Variants in KANSL1L observed in about 807,000 individuals in gnomAD.
KANSL1L encodes KAT8 regulatory NSL complex subunit 1-like protein.
In KANSL1L, 25 loss-of-function variants were observed where a neutral mutation model predicts 108.6. The ratio of observed to expected loss-of-function variants is 0.23; its 90% CI spans 0.17 to 0.32. KANSL1L has a LOEUF of 0.32. Among genes scored for constraint, KANSL1L ranks in the 10% least tolerant of loss-of-function variants. KANSL1L has a pLI of 1.00. For synonymous variants in KANSL1L, 405 were observed against 395.1 expected (o/e 1.03, Z -0.30); for missense variants, 1,137 against 1,125.7 (o/e 1.01, Z -0.14).
chr2:210,110,241 C>A (rs1159210464), intron 3 of KANSL1L, among the ~76,000 whole-genome samples: 2 of 152,222 alleles, frequency 1.3e-5, no homozygotes, highest in Admixed American at 6.5e-5. Context: ...CATTCTTAAT[C>A]TTCCTCCACT....
intron 5 of KANSL1L, among the ~76,000 whole-genome samples, chr2:210,082,353 A>G (rs1426032954): frequency 6.6e-6 from 1 of 152,224 alleles, no homozygotes; most frequent in Non-Finnish European, 1.5e-5. Context: ...TTGGAATCTA[A>G]GACATGTACT....
At chr2:210,108,266 A>G (rs1211749610) in intron 3 of KANSL1L, among the ~76,000 whole-genome samples, 2 of 152,210 alleles carry the variant, frequency 1.3e-5, no homozygotes, top group East Asian at 3.8e-4. Context: ...TGTTCCATAA[A>G]ATAAACATAA....
At chr2:210,152,775 C>T (rs1173894139) in intron 2 of KANSL1L, 1 of 152,214 alleles carries the variant, frequency 6.6e-6, no homozygotes, top group Non-Finnish European at 1.5e-5. Flanking sequence ...GTACTCTCAA[C>T]TGATACACTC....
At chr2:210,041,021 C>A (rs1206320394) in intron 7 of KANSL1L, among the ~76,000 whole-genome samples, 1 of 152,100 alleles carries the variant, frequency 6.6e-6, no homozygotes. Context: ...TCAGATGCAA[C>A]CTTTTATGAA....
At chr2:210,074,223 C>T (rs1052119458) in intron 6 of KANSL1L, among the ~76,000 whole-genome samples, 2 of 152,052 alleles carry the variant, frequency 1.3e-5, no homozygotes, top group African/African-American at 4.8e-5. Flanking sequence ...ATCTTTGTTC[C>T]AATTATTCAC....
chr2:210,117,829 CTCT>C (rs2094969162), intron 3 of KANSL1L, among the ~76,000 whole-genome samples: 1 of 152,070 alleles, frequency 6.6e-6, no homozygotes. Context: ...ATAAACAAAT[CTCT>C]TGATTCATAC....
At chr2:210,030,973 T>C (rs895278076) in intron 9 of KANSL1L, 3 of 152,432 alleles carry the variant, frequency 2.0e-5, no homozygotes, top group African/African-American at 7.2e-5. Context: ...TGTTGCATCT[T>C]ATTAGATGTT....
intron 2 of KANSL1L, among the ~76,000 whole-genome samples, chr2:210,144,992 G>A (rs2095255674): frequency 6.6e-6 from 1 of 152,176 alleles, no homozygotes; most frequent in African/African-American, 2.4e-5. Context: ...TCCTTCAGGT[G>A]GGTGTGAGGA....
chr2:210,065,745 C>T (rs2094462341), intron 6 of KANSL1L, among the ~76,000 whole-genome samples: 1 of 151,968 alleles, frequency 6.6e-6, no homozygotes, highest in South Asian at 2.1e-4. Context: ...ACCACCACGC[C>T]CGGCTAATAT....
chr2:210,100,314 C>T (rs1268671790), intron 4 of KANSL1L, among the ~76,000 whole-genome samples: 1 of 152,176 alleles, frequency 6.6e-6, no homozygotes, highest in Non-Finnish European at 1.5e-5. Context: ...TCTACAAAAC[C>T]AGTACCTCAT....
At chr2:210,031,836 T>C (rs1436179345) in intron 8 of KANSL1L, among the ~76,000 whole-genome samples, 1 of 152,142 alleles carries the variant, frequency 6.6e-6, no homozygotes, top group African/African-American at 2.4e-5. Context: ...TATATAAATC[T>C]TGGCGATCAG....
rs534793036 is a variant in KANSL1L at position 210,133,039 on chromosome 2, T to A, written c.1089-3867A>T. Among the ~76,000 whole-genome samples the A allele has an allele frequency of 4.1e-4, 63 of 152,290 alleles. 1 individual carries two copies. The highest frequency in any genetic ancestry group is 8.1e-4 in the Non-Finnish European group (55 of 68,014). ...GTGTCAGTTTGGTCATTTGTGTCTT[T>A]TAAGCGATTAGCCTATTTAGCTTAA... On this transcript the variant is annotated intron_variant, in intron 2 of 14. Transcript: ENST00000281772.
intron 6 of KANSL1L, among the ~76,000 whole-genome samples, chr2:210,071,196 A>G (rs1559532786): frequency 6.6e-6 from 1 of 152,066 alleles, no homozygotes; most frequent in African/African-American, 2.4e-5. Context: ...TCTGACCTCA[A>G]CTTTCATGTT....
rs542634638 is a variant in KANSL1L at position 210,054,693 on chromosome 2, A to G, written c.1756-10589T>C. On this transcript the variant is annotated intron_variant, in intron 6 of 14. Coordinates refer to ENST00000281772, the MANE Select transcript of KANSL1L (RefSeq NM_152519.4). ...CCAAGATCTGGTACTGATATTCAAC[A>G]TTGCACTAGAAGTTCTAGCCACAGC... Among the ~76,000 whole-genome samples, 11 of 152,084 alleles carry G rather than the reference A, an allele frequency of 7.2e-5. No homozygotes were observed. The South Asian group carries it at 2.3e-3, about 32-fold the overall frequency.
chr2:210,024,337 C>A, intron 13 of KANSL1L, 136 bp from the exon 14 acceptor site: 1 of 524,632 alleles, frequency 1.9e-6, no homozygotes, highest in Non-Finnish European at 3.2e-6. Flanking sequence ...TTTAAAAATT[C>A]CCCTGGTGCT....
chr2:210,093,379 C>G (rs889090443), intron 5 of KANSL1L, among the ~76,000 whole-genome samples: 1 of 152,152 alleles, frequency 6.6e-6, no homozygotes, highest in Admixed American at 6.5e-5. Context: ...CTCGTGGCCT[C>G]AAGCCATTTG....
chr2:210,070,407 T>A (rs977038636), intron 6 of KANSL1L, among the ~76,000 whole-genome samples: 2 of 151,424 alleles, frequency 1.3e-5, no homozygotes, highest in African/African-American at 4.9e-5. Context: ...TTTTTTGTAT[T>A]TTTTAGTAGA....
chr2:210,154,920 GA>G lies in KANSL1L; in HGVS notation c.-29-310del, dbSNP rs1274088952. ...TGACAACATTTAATTACAGTCAAAA[GA>G]AAAAAAAAAATCCAGCCTATAATCT... On this transcript the variant is annotated intron_variant, in intron 1 of 14. Coordinates refer to ENST00000281772, the MANE Select transcript of KANSL1L (RefSeq NM_152519.4). Among the ~76,000 whole-genome samples, 1,344 of 138,706 alleles carry G rather than the reference GA, an allele frequency of 9.7e-3. 11 individuals are homozygous for G. The highest frequency in any genetic ancestry group is 0.018 in the African/African-American group (664 of 37,924). 91.0% of individuals were successfully genotyped at this position (138,706 alleles called of 152,430 possible).
chr2:210,143,868 A>T (rs1369665879), intron 2 of KANSL1L, among the ~76,000 whole-genome samples: 1 of 152,174 alleles, frequency 6.6e-6, no homozygotes, highest in Non-Finnish European at 1.5e-5. Context: ...AAAACAAGTG[A>T]TTTATACACC....
Sources: gnomAD v4.1 joint callset for allele counts (sites outside exome capture counted in the v4.1 genomes callset) on GRCh38, gnomAD v4.1.1 for gene constraint, MANE v1.5 for transcripts, NCBI Gene and HGNC (gene_info 2026-07-23, HGNC 2026-07-21) for gene names.